KCNC2: variants seen among roughly 807,000 people sequenced by gnomAD.
KCNC2 encodes potassium voltage-gated channel subfamily C member 2.
Under a neutral mutation model 44.5 loss-of-function variants are expected in KCNC2, and 21 were observed. The ratio of observed to expected loss-of-function variants is 0.47; its 90% confidence interval spans 0.33 to 0.68. The LOEUF (loss-of-function observed/expected upper bound fraction) is 0.68, where lower values mean the gene tolerates loss of function less well. Among genes scored for constraint, KCNC2 ranks in the 30% least tolerant of loss-of-function variants. The pLI is 0.01. For synonymous variants in KCNC2, 391 were observed against 339.1 expected, an observed-to-expected ratio of 1.15 and a Z score of -1.68; for missense variants, 589 against 826.2, an observed-to-expected ratio of 0.71 and a Z score of 3.52.
At chr12:75,194,802 A>T (rs540584419) in intron 2 of KCNC2, among the ~76,000 whole-genome samples, 2 of 152,184 alleles carry the variant, frequency 1.3e-5, no homozygotes, top group Non-Finnish European at 2.9e-5. Context: ...ATTCTATGGA[A>T]TCTTAGTATG....
At chr12:75,114,901 T>C (rs1887537406) in intron 2 of KCNC2, among the ~76,000 whole-genome samples, 1 of 128,954 alleles carries the variant, frequency 7.8e-6, no homozygotes, top group South Asian at 2.6e-4. Flanking sequence ...GATCTCGCTG[T>C]CACCCAGGCT....
At position 75,186,192 on chromosome 12, in the gene KCNC2, T is replaced by G. The variant is rs188498780; in HGVS notation, c.687+21105A>C. Among the ~76,000 whole-genome samples, 14 of 152,062 alleles carry G rather than the reference T, an allele frequency of 9.2e-5. No homozygotes were observed. In the East Asian group the frequency reaches 1.2e-3, roughly 13 times the overall value. On this transcript the variant is annotated intron_variant, in intron 2 of 4. Coordinates refer to ENST00000549446, the MANE Select transcript of KCNC2 (RefSeq NM_139137.4). ...CAAATCATATACCTTGGGAAATTTTTTTCTGGCTTCTCTGAGGCGCCTTCT... is the reference window on the plus strand; with the variant it reads ...CAAATCATATACCTTGGGAAATTTTGTTCTGGCTTCTCTGAGGCGCCTTCT...
At chr12:75,144,196 T>A (rs1356857890) in intron 2 of KCNC2, among the ~76,000 whole-genome samples, 3 of 152,198 alleles carry the variant, frequency 2.0e-5, no homozygotes, top group Non-Finnish European at 2.9e-5. Context: ...ATTATCTTTT[T>A]TAAAAAATTA....
chr12:75,051,584 A>G (rs187161779), intron 2 of KCNC2, among the ~76,000 whole-genome samples: 1 of 152,266 alleles, frequency 6.6e-6, no homozygotes, highest in East Asian at 1.9e-4. Flanking sequence ...TTTTTTGTGT[A>G]AGAAAATATA....
chr12:75,174,229 T>C (rs1176021187), intron 2 of KCNC2, among the ~76,000 whole-genome samples: 1 of 151,836 alleles, frequency 6.6e-6, no homozygotes, highest in Admixed American at 6.6e-5. Flanking sequence ...ACAGTGATTG[T>C]AAAATATTTA....
intron 3 of KCNC2, among the ~76,000 whole-genome samples, chr12:75,049,302 G>A (rs1368846629): frequency 6.6e-6 from 1 of 151,954 alleles, no homozygotes; most frequent in Non-Finnish European, 1.5e-5. Flanking sequence ...AGTTTGCTTT[G>A]TTAGTTGATG....
chr12:75,099,488 C>T (rs1886198968), intron 2 of KCNC2, among the ~76,000 whole-genome samples: 1 of 152,090 alleles, frequency 6.6e-6, no homozygotes, highest in Non-Finnish European at 1.5e-5. Context: ...AAATGGTAGA[C>T]ATGTCTTTGC....
chr12:75,163,978 T>C (rs1304752758), intron 2 of KCNC2, among the ~76,000 whole-genome samples: 1 of 151,588 alleles, frequency 6.6e-6, no homozygotes, highest in Non-Finnish European at 1.5e-5. Flanking sequence ...TACACACTCC[T>C]TTTTTGGAAC....
intron 2 of KCNC2, among the ~76,000 whole-genome samples, chr12:75,093,271 A>G (rs1434796965): frequency 2.0e-5 from 3 of 151,600 alleles, no homozygotes; most frequent in Admixed American, 6.6e-5. Context: ...CTTTATCACA[A>G]TGTCAATGGT....
At chr12:75,193,139 T>A (rs968363861) in intron 2 of KCNC2, among the ~76,000 whole-genome samples, 1 of 152,136 alleles carries the variant, frequency 6.6e-6, no homozygotes, top group African/African-American at 2.4e-5. Flanking sequence ...ATAACTAGTA[T>A]GAACAAGAAG....
chr12:75,150,623 T>C (rs988993563), intron 2 of KCNC2, among the ~76,000 whole-genome samples: 1 of 151,932 alleles, frequency 6.6e-6, no homozygotes, highest in South Asian at 2.1e-4. Context: ...TGCTAGACTG[T>C]GAGCACCATC....
intron 4 of KCNC2, chr12:75,043,944 C>A (rs373860188): frequency 7.7e-6 from 4 of 516,426 alleles, no homozygotes; most frequent in Non-Finnish European, 1.3e-5. Context: ...ACCTTCCCAC[C>A]CAGGAATTGA....
At chr12:75,191,705 C>T (rs1318700452) in intron 2 of KCNC2, among the ~76,000 whole-genome samples, 1 of 150,618 alleles carries the variant, frequency 6.6e-6, no homozygotes, top group Non-Finnish European at 1.5e-5. Flanking sequence ...CGCCCGGCAC[C>T]GCGCCCGGCT....
chr12:75,186,278 A>G (rs1274965994), intron 2 of KCNC2, among the ~76,000 whole-genome samples: 1 of 152,004 alleles, frequency 6.6e-6, no homozygotes, highest in East Asian at 1.9e-4. Flanking sequence ...CCTTCCATGC[A>G]TCTTGTGCCT....
intron 2 of KCNC2, among the ~76,000 whole-genome samples, chr12:75,052,565 A>G (rs1881292387): frequency 6.6e-6 from 1 of 152,150 alleles, no homozygotes; most frequent in African/African-American, 2.4e-5. Flanking sequence ...TCTAAACAAA[A>G]GAGTCATTCA....
At chr12:75,156,225 C>T (rs568918808) in intron 2 of KCNC2, among the ~76,000 whole-genome samples, 62 of 151,044 alleles carry the variant, frequency 4.1e-4, no homozygotes, top group African/African-American at 1.5e-3. Context: ...CTATGACTCA[C>T]GGGCCAAATC....
chr12:75,167,476 T>G (rs1891536350), intron 2 of KCNC2, among the ~76,000 whole-genome samples: 1 of 151,390 alleles, frequency 6.6e-6, no homozygotes, highest in African/African-American at 2.4e-5. Flanking sequence ...TAGGAATCAC[T>G]TATAGATGTA....
chr12:75,101,993 G>C (rs914115985), intron 2 of KCNC2, among the ~76,000 whole-genome samples: 1 of 151,918 alleles, frequency 6.6e-6, no homozygotes, highest in African/African-American at 2.4e-5. Context: ...ATGTCTCGGC[G>C]GACTGCCTAA....
intron 2 of KCNC2, among the ~76,000 whole-genome samples, chr12:75,067,113 G>T (rs778334603): frequency 2.6e-5 from 4 of 152,048 alleles, no homozygotes; most frequent in Non-Finnish European, 5.9e-5. Context: ...GAAGTGGGAG[G>T]ATCTCTTGAG....
Sources: gnomAD v4.1 joint callset for allele counts (sites outside exome capture counted in the v4.1 genomes callset) on GRCh38, gnomAD v4.1.1 for gene constraint, MANE v1.5 for transcripts, NCBI Gene and HGNC (gene_info 2026-07-23, HGNC 2026-07-21) for gene names.